The following VDAC2 variants were observed in gnomAD, a reference collection of about 807,000 sequenced individuals.
VDAC2 encodes non-selective voltage-gated ion channel VDAC2.
A neutral mutation model predicts 36.6 loss-of-function variants in VDAC2; 6 were observed. The ratio of observed to expected loss-of-function variants is 0.16; its 90% CI spans 0.09 to 0.32. The LOEUF (loss-of-function observed/expected upper bound fraction) is 0.32. VDAC2 is among the 10% of genes least tolerant of loss of function. VDAC2 has a pLI of 1.00. For synonymous variants in VDAC2, 109 were observed against 123.8 expected, an observed-to-expected ratio of 0.88 and a Z score of 0.79; for missense variants, 247 against 346.0, an observed-to-expected ratio of 0.71 and a Z score of 2.27.
chr10:75,212,472 C>G (rs1043852775), intron 3 of VDAC2, among the ~76,000 whole-genome samples, 174 bp downstream of exon 3: 1 of 152,070 alleles, frequency 6.6e-6, no homozygotes, highest in African/African-American at 2.4e-5. Context: ...GATGCAGTGG[C>G]ATGATTATAC....
At chr10:75,228,498 T>C (rs1213660350) in intron 8 of VDAC2, among the ~76,000 whole-genome samples, 1 of 146,410 alleles carries the variant, frequency 6.8e-6, no homozygotes, top group Admixed American at 6.8e-5. Context: ...CAAGTGGTCC[T>C]CCCGCCTTGG....
At chr10:75,218,080 T>C (rs1044819676) in intron 4 of VDAC2, 9 of 419,056 alleles carry the variant, frequency 2.1e-5, no homozygotes, top group African/African-American at 1.8e-4. Flanking sequence ...AGAGGCAAGA[T>C]GCTGTCTCAA....
chr10:75,214,105 T>C lies in VDAC2; in HGVS notation c.150+35T>C, dbSNP rs749785942. 44 of 1,599,768 alleles carry C rather than the reference T, an allele frequency of 2.8e-5. No homozygotes were observed. In the East Asian group the frequency reaches 9.6e-4, roughly 35 times the overall value. On this transcript the variant is annotated intron_variant, in intron 4 of 9. Coordinates refer to ENST00000332211, the MANE Select transcript of VDAC2 (RefSeq NM_001391963.1). Reference sequence around the variant, plus strand: ...ACTGTTGAATAAGTTCTATTGAACCTTTATAATTTTTCAACTTGTAAAATG... The same window carrying C: ...ACTGTTGAATAAGTTCTATTGAACCCTTATAATTTTTCAACTTGTAAAATG...
chr10:75,211,102 C>G (rs369062432), intron 1 of VDAC2, 32 bp from the exon 2 acceptor site: 1 of 1,584,710 alleles, frequency 6.3e-7, no homozygotes, highest in South Asian at 1.1e-5. Context: ...CCCTTTGACC[C>G]CAGCTTACCG....
At chr10:75,211,560 G>A in intron 2 of VDAC2, 1 of 1,550,598 alleles carries the variant, frequency 6.4e-7, no homozygotes, top group Non-Finnish European at 8.7e-7. Flanking sequence ...GCTCCTAAGG[G>A]CGTGGACGTG....
chr10:75,216,447 G>A (rs1564710664), intron 4 of VDAC2, among the ~76,000 whole-genome samples: 1 of 152,188 alleles, frequency 6.6e-6, no homozygotes, highest in Non-Finnish European at 1.5e-5. Context: ...ATTAGATATA[G>A]CATGTTTTTA....
At chr10:75,230,284 A>G (rs961213732) in intron 9 of VDAC2, among the ~76,000 whole-genome samples, 2 of 152,238 alleles carry the variant, frequency 1.3e-5, no homozygotes, top group Non-Finnish European at 2.9e-5. Context: ...GAATGGTACA[A>G]TGAACATCAT....
chr10:75,230,768 C>A, intron 9 of VDAC2, 130 bp from the exon 10 acceptor site: 1 of 719,192 alleles, frequency 1.4e-6, no homozygotes, highest in Non-Finnish European at 2.3e-6. Flanking sequence ...GTGGCCAGCA[C>A]TAGTAGGTCA....
chr10:75,213,969 ATC>A (rs1486767840), intron 3 of VDAC2, 50 bp from the exon 4 acceptor site: 42 of 1,581,008 alleles, frequency 2.7e-5, no homozygotes, highest in Non-Finnish European at 3.4e-5. Context: ...ATTGCTATGC[ATC>A]TTTCATACAA....
At chr10:75,226,016 C>T (rs1841941499) in intron 8 of VDAC2, among the ~76,000 whole-genome samples, 1 of 152,134 alleles carries the variant, frequency 6.6e-6, no homozygotes, top group African/African-American at 2.4e-5. Context: ...TGGTCTCAAA[C>T]TCCTGACCTC....
chr10:75,230,105 A>G (rs1299200516), intron 9 of VDAC2, among the ~76,000 whole-genome samples: 4 of 152,114 alleles, frequency 2.6e-5, no homozygotes, highest in East Asian at 3.8e-4. Flanking sequence ...TGTTGACTTT[A>G]TATAATATTT....
chr10:75,227,826 C>T (rs1172520491), intron 8 of VDAC2, among the ~76,000 whole-genome samples: 2 of 151,494 alleles, frequency 1.3e-5, no homozygotes, highest in African/African-American at 4.9e-5. Flanking sequence ...ACCTTGTGAT[C>T]CTCCCAAAGT....
At chr10:75,217,994 A>G (rs1403163375) in intron 4 of VDAC2, 2 of 1,229,958 alleles carry the variant, frequency 1.6e-6, no homozygotes, top group Non-Finnish European at 2.1e-6. Flanking sequence ...AGGCTGAGGT[A>G]CGTGGATCAC....
intron 6 of VDAC2, among the ~76,000 whole-genome samples, chr10:75,220,331 ACTC>A (rs1459645114): frequency 1.4e-5 from 2 of 146,526 alleles, no homozygotes; most frequent in Non-Finnish European, 3.0e-5. Flanking sequence ...CTGATCTTAA[ACTC>A]CTGACCTCAG....
chr10:75,211,877 C>T (rs1399492325), intron 2 of VDAC2, among the ~76,000 whole-genome samples: 3 of 152,178 alleles, frequency 2.0e-5, no homozygotes, highest in African/African-American at 7.2e-5. Flanking sequence ...GTTAAATCAG[C>T]TCATCTCAGT....
chr10:75,216,892 C>A (rs1417423666), intron 4 of VDAC2, among the ~76,000 whole-genome samples: 1 of 152,150 alleles, frequency 6.6e-6, no homozygotes, highest in African/African-American at 2.4e-5. Flanking sequence ...TACAAACTTT[C>A]ACAGTGTCAG....
intron 3 of VDAC2, among the ~76,000 whole-genome samples, 175 bp downstream of exon 3, chr10:75,212,473 A>G (rs1298320964): frequency 2.6e-5 from 4 of 152,178 alleles, no homozygotes; most frequent in Middle Eastern, 3.4e-3. Flanking sequence ...ATGCAGTGGC[A>G]TGATTATACC....
chr10:75,213,965 A>G (rs370393900), intron 3 of VDAC2, 56 bp from the exon 4 acceptor site: 788 of 1,565,014 alleles, frequency 5.0e-4, no homozygotes, highest in Non-Finnish European at 6.6e-4. Flanking sequence ...AACAATTGCT[A>G]TGCATCTTTC....
chr10:75,218,015 G>C (rs1317169566), intron 4 of VDAC2: 2 of 1,124,240 alleles, frequency 1.8e-6, no homozygotes, highest in African/African-American at 3.2e-5. Flanking sequence ...TTGAGCCTGG[G>C]AGGTTGAGGC....
Sources: gnomAD v4.1 joint callset for allele counts (sites outside exome capture counted in the v4.1 genomes callset) on GRCh38, gnomAD v4.1.1 for gene constraint, MANE v1.5 for transcripts, NCBI Gene and HGNC (gene_info 2026-07-23, HGNC 2026-07-21) for gene names.